TTLL7: variants seen among roughly 807,000 people sequenced by gnomAD.
TTLL7 encodes tubulin tyrosine ligase like 7.
In TTLL7, 53 loss-of-function variants were observed where a neutral mutation model predicts 120.2. The observed-to-expected ratio is 0.44, with a 90% CI of 0.35 to 0.55. The LOEUF (loss-of-function observed/expected upper bound fraction) is 0.55, where lower values mean the gene tolerates loss of function less well. Ranked by LOEUF, TTLL7 falls within the 20% of genes least tolerant of loss-of-function variation. The pLI is 0.00. For missense variants in TTLL7, 803 were observed against 1,054.7 expected (o/e 0.76, Z 3.31); for synonymous variants, 353 against 351.7 (o/e 1.00, Z -0.04).
Position 83,892,549 on chromosome 1 carries a change from T to C in TTLL7, c.2209-2068A>G, listed in dbSNP as rs1441365901. On this transcript the variant is annotated intron_variant, in intron 18 of 20. Transcript: ENST00000260505. ...ATATATATGAACATATGAATGAACATATATATGAACATATGAACATATATA... is the reference window on the plus strand; with the variant it reads ...ATATATATGAACATATGAATGAACACATATATGAACATATGAACATATATA... Among the ~76,000 whole-genome samples the C allele has an allele frequency of 2.1e-5, 3 of 143,900 alleles. 1 individual carries two copies. Among genetic ancestry groups the C allele is most frequent in the African/African-American group, 5.2e-5 (2 of 38,128 alleles). The allele number at this position is 143,900 out of a possible 152,430, so 94.4% of individuals were successfully genotyped here. A position where few individuals can be genotyped will look rare whatever the true frequency, so the allele number is the denominator to read the frequency against.
At chr1:83,929,796 T>C (rs1279310492) in intron 9 of TTLL7, among the ~76,000 whole-genome samples, 1 of 152,190 alleles carries the variant, frequency 6.6e-6, no homozygotes, top group Non-Finnish European at 1.5e-5. Flanking sequence ...TATAAAAATA[T>C]AACTGGAATA....
At chr1:83,920,906 C>T (rs1018610956) in intron 12 of TTLL7, among the ~76,000 whole-genome samples, 181 bp downstream of exon 12, 1 of 151,952 alleles carries the variant, frequency 6.6e-6, no homozygotes, top group Admixed American at 6.6e-5. Context: ...CTAGCAGGAG[C>T]GCTGTCAAGG....
chr1:83,950,075 C>A, intron 3 of TTLL7, 89 bp from the exon 4 acceptor site: 1 of 1,159,088 alleles, frequency 8.6e-7, no homozygotes, highest in Non-Finnish European at 1.2e-6. Context: ...AACTTTAGTT[C>A]ATAGTATTTC....
At chr1:83,903,960 T>C (rs1387717214) in intron 18 of TTLL7, 119 bp downstream of exon 18, 2 of 767,408 alleles carry the variant, frequency 2.6e-6, no homozygotes, top group East Asian at 5.3e-5. Flanking sequence ...TAATAAGTGT[T>C]TGTTGAAGAA....
intron 1 of TTLL7, chr1:83,980,084 T>C (rs185510699): frequency 6.6e-6 from 1 of 152,324 alleles, no homozygotes; most frequent in African/African-American, 2.4e-5. Flanking sequence ...AGGGCTTAAT[T>C]CATCTTTTAG....
chr1:83,897,007 T>C (rs187400609), intron 18 of TTLL7, among the ~76,000 whole-genome samples: 1 of 152,216 alleles, frequency 6.6e-6, no homozygotes, highest in East Asian at 1.9e-4. Context: ...CTATTTCCAT[T>C]TTCACCTGGT....
chr1:83,932,789 T>A (rs920121891), intron 9 of TTLL7, among the ~76,000 whole-genome samples: 1 of 152,110 alleles, frequency 6.6e-6, no homozygotes, highest in African/African-American at 2.4e-5. Flanking sequence ...CAGCTGTATG[T>A]TCCTGATTAC....
At chr1:83,951,339 C>T (rs1353519114) in intron 3 of TTLL7, among the ~76,000 whole-genome samples, 2 of 150,074 alleles carry the variant, frequency 1.3e-5, no homozygotes, top group South Asian at 4.2e-4. Context: ...ACAGAAACTC[C>T]GCCTCAAAAA....
chr1:83,948,490 A>T (rs2100855379), intron 5 of TTLL7, 138 bp downstream of exon 5: 1 of 568,046 alleles, frequency 1.8e-6, no homozygotes, highest in Non-Finnish European at 3.1e-6. Flanking sequence ...ACCTTCTAAG[A>T]CCTCTCTAGC....
At chr1:83,872,417 T>C (rs1653511402) in intron 20 of TTLL7, among the ~76,000 whole-genome samples, 1 of 152,238 alleles carries the variant, frequency 6.6e-6, no homozygotes, top group South Asian at 2.1e-4. Flanking sequence ...GTCATGATGA[T>C]TGATCCAGTA....
chr1:83,987,685 T>G (rs1307475972), intron 1 of TTLL7, among the ~76,000 whole-genome samples: 1 of 151,884 alleles, frequency 6.6e-6, no homozygotes. Context: ...AAAGCAAAAA[T>G]AAACAAATGG....
intron 18 of TTLL7, among the ~76,000 whole-genome samples, chr1:83,898,053 A>C (rs1656402526): frequency 6.6e-6 from 1 of 151,898 alleles, no homozygotes; most frequent in Non-Finnish European, 1.5e-5. Context: ...ACATTTTTGT[A>C]ATATCTAATT....
intron 1 of TTLL7, among the ~76,000 whole-genome samples, chr1:83,955,140 A>C (rs879695033): frequency 1.3e-5 from 2 of 152,090 alleles, no homozygotes; most frequent in Admixed American, 1.3e-4. Context: ...TTTTCCTGAA[A>C]GCTTTCTCTG....
intron 5 of TTLL7, among the ~76,000 whole-genome samples, chr1:83,948,286 T>C (rs1205168105): frequency 3.9e-5 from 6 of 152,032 alleles, no homozygotes; most frequent in Non-Finnish European, 8.8e-5. Context: ...AAATGACATA[T>C]ACAGATAACC....
intron 1 of TTLL7, among the ~76,000 whole-genome samples, chr1:83,968,301 A>G (rs1650668706): frequency 6.6e-6 from 1 of 151,986 alleles, no homozygotes; most frequent in African/African-American, 2.4e-5. Flanking sequence ...TAATCCAAAA[A>G]TGAGGTTGCC....
intron 12 of TTLL7, 28 bp downstream of exon 12, chr1:83,921,059 A>G (rs1400241915): frequency 1.9e-6 from 3 of 1,580,204 alleles, no homozygotes; most frequent in Admixed American, 1.9e-5. Flanking sequence ...CATTTTTTCA[A>G]TCTATACAAA....
chr1:83,895,593 T>C (rs1279836618), intron 18 of TTLL7, among the ~76,000 whole-genome samples: 1 of 152,046 alleles, frequency 6.6e-6, no homozygotes, highest in Non-Finnish European at 1.5e-5. Context: ...TGAATTCAGG[T>C]AGGTTAGGTT....
chr1:83,871,851 C>T (rs900138573), intron 20 of TTLL7, among the ~76,000 whole-genome samples: 20 of 141,236 alleles, frequency 1.4e-4, no homozygotes, highest in African/African-American at 1.3e-4. Flanking sequence ...GAGCCGAGAT[C>T]GTGCCACTGC....
rs1233727278 is a variant in TTLL7 at position 83,907,592 on chromosome 1, C to T, written c.1856G>A (p.Arg619His). Residue 619 changes from arginine (R) to histidine (H), a missense_variant, in exon 16 of 21, where the codon CGC (arginine) becomes CAC (histidine). Coordinates refer to ENST00000260505, the MANE Select transcript of TTLL7 (RefSeq NM_024686.6). ...TATCATTTGTTGAGCAGAAAATGGG[C>T]GGGTGTCCCCACTGGAAGGTGATTG... ...SAQSPSSGDT[R>H]PFSAQQMISV... The T allele has an allele frequency of 2.5e-6, 4 of 1,613,144 alleles. No homozygotes were observed. Among genetic ancestry groups the T allele is most frequent in the Admixed American group, 3.3e-5 (2 of 59,860 alleles).
Sources: allele counts gnomAD v4.1 joint callset (sites outside exome capture counted in the v4.1 genomes callset), GRCh38; gene constraint gnomAD v4.1.1; transcripts MANE v1.5; gene names NCBI Gene and HGNC (gene_info 2026-07-23, HGNC 2026-07-21).